Variants in IFT46 observed in about 807,000 individuals in gnomAD.
The protein encoded by IFT46 is intraflagellar transport 46.
IFT46 carries 19 observed loss-of-function variants against 39.6 expected under a neutral mutation model. The ratio of observed to expected loss-of-function variants is 0.48; its 90% CI spans 0.33 to 0.70. The LOEUF is 0.70. Among genes scored for constraint, IFT46 ranks in the 30% least tolerant of loss-of-function variants. The probability of loss-of-function intolerance (pLI) is 0.01; values close to 1 mark genes in which losing one functional copy is unlikely to be tolerated. For missense variants in IFT46, 334 were observed against 364.8 expected (o/e 0.92, Z 0.69); for synonymous variants, 117 against 134.8 (o/e 0.87, Z 0.91).
At chr11:118,567,927 G>A (rs1555071791), upstream of IFT46, among the ~76,000 whole-genome samples, 1 of 152,184 alleles carries the variant, frequency 6.6e-6, no homozygotes, top group African/African-American at 2.4e-5. Context: ...CTTGCCTAAA[G>A]TCACTCATAA....
rs116534318 is a variant in IFT46 at position 118,544,779 on chromosome 11, G to C, written c.*137C>G. ...AACATGTTCTGTGCCCTCTGGCAGAGAGGGCAGCAGGACATGCACTGCCCC... is the reference window on the plus strand; with the variant it reads ...AACATGTTCTGTGCCCTCTGGCAGACAGGGCAGCAGGACATGCACTGCCCC... On this transcript the variant is annotated 3_prime_UTR_variant, in exon 12 of 12. Coordinates refer to ENST00000264021, the MANE Select transcript of IFT46 (RefSeq NM_001168618.2). 5.1e-4 allele frequency: 329 copies of C among 647,610 alleles called. No homozygotes were observed. The African/African-American group carries it at 5.1e-3, about 10-fold the overall frequency. The allele number at this position is 647,610 out of a possible 1,614,324, so 40.1% of individuals were successfully genotyped here. A position where few individuals can be genotyped will look rare whatever the true frequency, so the allele number is the denominator to read the frequency against.
Position 118,557,536 on chromosome 11 carries a change from A to G in IFT46, c.46-491T>C, listed in dbSNP as rs1005917263. On this transcript the variant is annotated intron_variant, in intron 3 of 11. Transcript: ENST00000264021. ...TAAGCTGCTTGAAACTATCAAAAGA[A>G]GAAAGTTCAAAATCAACCTTGTGCC... 1.8e-5 allele frequency: 11 copies of G among 599,940 alleles called. No homozygotes were observed. In the African/African-American group the frequency reaches 2.1e-4, roughly 11 times the overall value. 37.2% of individuals were successfully genotyped at this position (599,940 alleles called of 1,614,324 possible).
chr11:118,559,183 T>C (rs1026462772), intron 3 of IFT46, among the ~76,000 whole-genome samples: 1 of 152,006 alleles, frequency 6.6e-6, no homozygotes, highest in African/African-American at 2.4e-5. Flanking sequence ...AAACGGTTTT[T>C]AAGAAATCAT....
exon 1 of IFT46, chr11:118,572,609 C>T (rs1293382075): frequency 2.5e-6 from 4 of 1,581,676 alleles, no homozygotes; most frequent in Non-Finnish European, 2.6e-6. Flanking sequence ...CTCTCCTTGT[C>T]GGCGGGCCTG....
Position 118,554,562 on chromosome 11 carries a change from T to A in IFT46, c.380A>T (p.Asp127Val). ...ATCCAATACCAATAGGCCAAGGTTG[T>A]CAGGCTTTCCATCAGGACGTGGGAC... is the stretch of plus-strand genomic sequence containing the variant. ...LKVPRPDGKP[D>V]NLGLLVLDEP... Residue 127 changes from aspartate to valine, a missense_variant, in exon 7 of 12, where the codon GAC (aspartate) becomes GTC (valine). Physicochemically the swap from Asp to Val is radical, Grantham distance 152. Coordinates refer to ENST00000264021, the MANE Select transcript of IFT46 (RefSeq NM_001168618.2). The A allele has an allele frequency of 1.9e-6, 3 of 1,610,248 alleles. No homozygotes were observed. Among genetic ancestry groups the A allele is most frequent in the Non-Finnish European group, 2.5e-6 (3 of 1,179,008 alleles).
chr11:118,549,776 G>C (rs1194590203), intron 9 of IFT46, among the ~76,000 whole-genome samples: 14 of 151,778 alleles, frequency 9.2e-5, no homozygotes, highest in African/African-American at 3.1e-4. Flanking sequence ...GCCCGCCTCG[G>C]CCTCCCAAAG....
At chr11:118,555,590 CTTT>C in intron 4 of IFT46, 2 of 324,114 alleles carry the variant, frequency 6.2e-6, no homozygotes, top group South Asian at 1.0e-4. Flanking sequence ...AATGGTTTTC[CTTT>C]TTTTTAATGA....
Position 118,556,901 on chromosome 11 carries a change from C to T in IFT46, c.185+5G>A, listed in dbSNP as rs781928057. On this transcript the variant is annotated splice_donor_5th_base_variant and intron_variant, in intron 4 of 11. Transcript: ENST00000264021. ...GCACCCTTGGCTTGGGTGTTCTTTC[C>T]TCACCCTTCCAGAGGGGCTCCATGC... 1.9e-6 allele frequency: 3 copies of T among 1,584,910 alleles called. No individual in the cohort carries two copies. The highest frequency in any genetic ancestry group is 2.3e-5 in the East Asian group (1 of 43,972).
Position 118,557,005 on chromosome 11 carries a change from A to G in IFT46, c.86T>C (p.Phe29Ser), listed in dbSNP as rs1937860678. 3.7e-6 allele frequency: 6 copies of G among 1,612,590 alleles called. No individual in the cohort carries two copies. Among genetic ancestry groups the G allele is most frequent in the Middle Eastern group, 3.3e-4 (2 of 6,058 alleles). The change falls in exon 4 of 12, where the codon TTT (phenylalanine) becomes TCT (serine). Residue 29 changes from phenylalanine to serine, a missense_variant. Phe to Ser is a radical substitution (Grantham distance 155, BLOSUM62 -2). Transcript: ENST00000264021. The part of the protein sequence containing the change: ...KTSQLTPQRG[F>S]SENEDDDDDD... ...ATCATCGTCATCCTCATTTTCACTA[A>G]AGCCCCGTTGAGGTGTCAACTGTGA...
chr11:118,559,560 A>G (rs533200740), intron 3 of IFT46, among the ~76,000 whole-genome samples: 9 of 152,352 alleles, frequency 5.9e-5, no homozygotes, highest in African/African-American at 1.7e-4. Flanking sequence ...ACTGGCCTAC[A>G]TTATGTGAAA....
chr11:118,560,713 G>T, intron 2 of IFT46: 1 of 634,244 alleles, frequency 1.6e-6, no homozygotes, highest in South Asian at 1.7e-5. Context: ...AAGTTGTTAA[G>T]AATAAAGCCT....
chr11:118,555,389 CTGG>C, intron 4 of IFT46, 67 bp from the exon 5 acceptor site: 1 of 1,184,046 alleles, frequency 8.4e-7, no homozygotes, highest in Admixed American at 1.7e-5. Flanking sequence ...GTCCTAGGTG[CTGG>C]TGTGTTACTG....
chr11:118,544,572 T>C lies in IFT46; in HGVS notation c.*344A>G, dbSNP rs1204892250. 4.1e-6 allele frequency: 1 copy of C among 245,470 alleles called. No homozygotes were observed. Among genetic ancestry groups the C allele is most frequent in the Admixed American group, 5.1e-5 (1 of 19,784 alleles). The allele number at this position is 245,470 out of a possible 1,614,324, so 15.2% of individuals were successfully genotyped here. On this transcript the variant is annotated 3_prime_UTR_variant, in exon 12 of 12. Transcript: ENST00000264021. ...ATTTATAAAATCTTTACTCACTAAC[T>C]TTACGAATGAAAGAAAACAATTCCA...
intron 3 of IFT46, among the ~76,000 whole-genome samples, chr11:118,559,492 C>T (rs1338772430): frequency 6.6e-6 from 1 of 152,060 alleles, no homozygotes; most frequent in African/African-American, 2.4e-5. Context: ...ACTGGGAATC[C>T]GTATATTTAA....
intron 1 of IFT46, chr11:118,572,423 C>A (rs375396039): frequency 3.8e-6 from 3 of 790,132 alleles, no homozygotes; most frequent in Non-Finnish European, 5.2e-6. Flanking sequence ...TGGCAAGAGG[C>A]GAAGCGGCAG....
At chr11:118,572,282 C>G in intron 1 of IFT46, 1 of 492,340 alleles carries the variant, frequency 2.0e-6, no homozygotes, top group Non-Finnish European at 3.7e-6. Flanking sequence ...TGAACGCCCC[C>G]TACACCTCCT....
intron 1 of IFT46, chr11:118,572,560 G>A (rs371926699): frequency 1.9e-6 from 3 of 1,608,630 alleles, no homozygotes; most frequent in Non-Finnish European, 2.5e-6. Context: ...GGTAAGATCC[G>A]AGCCAGGACC....
chr11:118,548,623 A>G (rs1591360287), intron 9 of IFT46, among the ~76,000 whole-genome samples: 10 of 151,772 alleles, frequency 6.6e-5, no homozygotes, highest in Admixed American at 6.6e-4. Flanking sequence ...TCGGCCTCCC[A>G]AAGTGCTGGG....
chr11:118,553,725 T>C (rs1555068906), intron 7 of IFT46, among the ~76,000 whole-genome samples: 1 of 152,172 alleles, frequency 6.6e-6, no homozygotes, highest in Admixed American at 6.5e-5. Context: ...AGCACCATTA[T>C]TAATAAGAGT....
Sources: allele counts gnomAD v4.1 joint callset (sites outside exome capture counted in the v4.1 genomes callset), GRCh38; gene constraint gnomAD v4.1.1; transcripts MANE v1.5; gene names NCBI Gene and HGNC (gene_info 2026-07-23, HGNC 2026-07-21).